FHIT: variants seen among roughly 807,000 people sequenced by gnomAD.
The protein encoded by FHIT is fragile histidine triad diadenosine triphosphatase, also known as bis(5'-adenosyl)-triphosphatase.
In FHIT, 19 loss-of-function variants were observed where a neutral mutation model predicts 17.9. The observed-to-expected ratio is 1.06, with a 90% CI of 0.74 to 1.56. The LOEUF is 1.56. FHIT is among the 40% of genes most tolerant of loss of function. The pLI is 0.00. For synonymous variants in FHIT, 81 were observed against 69.7 expected, an observed-to-expected ratio of 1.16 and a Z score of -0.81; for missense variants, 248 against 189.2, an observed-to-expected ratio of 1.31 and a Z score of -1.82.
At chr3:59,929,291 A>C (rs1232132344) in intron 7 of FHIT, among the ~76,000 whole-genome samples, 1 of 151,434 alleles carries the variant, frequency 6.6e-6, no homozygotes, top group Non-Finnish European at 1.5e-5. Flanking sequence ...TTATTCTACC[A>C]ATTTTATAGG....
chr3:60,376,495 A>G (rs1218476071), intron 5 of FHIT, among the ~76,000 whole-genome samples: 1 of 152,172 alleles, frequency 6.6e-6, no homozygotes, highest in Non-Finnish European at 1.5e-5. Context: ...ACATACACAC[A>G]CACATTCTCA....
At chr3:59,923,740 C>A (rs1485905316) in intron 7 of FHIT, among the ~76,000 whole-genome samples, 1 of 152,082 alleles carries the variant, frequency 6.6e-6, no homozygotes, top group Non-Finnish European at 1.5e-5. Context: ...CTGATTACTG[C>A]GATCGGGTTC....
At chr3:61,054,905 C>A (rs937825992) in intron 2 of FHIT, among the ~76,000 whole-genome samples, 1 of 152,174 alleles carries the variant, frequency 6.6e-6, no homozygotes, top group African/African-American at 2.4e-5. Context: ...TTTCAGACCC[C>A]CTTGTACATG....
chr3:60,224,909 C>G (rs553229972), intron 5 of FHIT, among the ~76,000 whole-genome samples: 6 of 151,620 alleles, frequency 4.0e-5, no homozygotes, highest in African/African-American at 1.5e-4. Flanking sequence ...TTAGTAGAGA[C>G]GGGGTTTCAC....
chr3:61,109,124 T>C (rs1317610288), intron 2 of FHIT, among the ~76,000 whole-genome samples: 1 of 152,154 alleles, frequency 6.6e-6, no homozygotes, highest in African/African-American at 2.4e-5. Context: ...GAAATGCTGT[T>C]AAGTGTATAG....
chr3:60,100,304 A>G (rs1385552679), intron 5 of FHIT, among the ~76,000 whole-genome samples: 1 of 152,136 alleles, frequency 6.6e-6, no homozygotes, highest in Non-Finnish European at 1.5e-5. Flanking sequence ...GAATCGCTTG[A>G]ACCCGGGAGG....
At chr3:59,769,058 C>A (rs1456508026) in intron 8 of FHIT, among the ~76,000 whole-genome samples, 1 of 152,230 alleles carries the variant, frequency 6.6e-6, no homozygotes, top group African/African-American at 2.4e-5. Context: ...AAGAAAACCA[C>A]TCTGCCAGCA....
chr3:60,986,916 C>T (rs1171114324), intron 3 of FHIT, among the ~76,000 whole-genome samples: 1 of 152,242 alleles, frequency 6.6e-6, no homozygotes, highest in African/African-American at 2.4e-5. Context: ...CATACATACA[C>T]TTTATAAGTC....
chr3:60,005,933 C>T (rs1415043555), intron 7 of FHIT, among the ~76,000 whole-genome samples: 1 of 152,174 alleles, frequency 6.6e-6, no homozygotes, highest in Non-Finnish European at 1.5e-5. Flanking sequence ...CCTACAAGTG[C>T]TTCTTATCAC....
At chr3:61,213,460 C>T (rs949944561) in intron 1 of FHIT, among the ~76,000 whole-genome samples, 6 of 152,170 alleles carry the variant, frequency 3.9e-5, no homozygotes, top group African/African-American at 1.4e-4. Context: ...AGCTAACTAT[C>T]CTAAATATAT....
intron 5 of FHIT, among the ~76,000 whole-genome samples, chr3:60,063,414 C>T (rs1026022451): frequency 1.3e-5 from 2 of 152,104 alleles, no homozygotes; most frequent in Admixed American, 1.3e-4. Context: ...AAAAATAGTC[C>T]ATCCAAATTC....
At chr3:61,151,369 G>A (rs1444947625) in intron 2 of FHIT, among the ~76,000 whole-genome samples, 1 of 152,092 alleles carries the variant, frequency 6.6e-6, no homozygotes, top group Non-Finnish European at 1.5e-5. Context: ...TGGCATACTT[G>A]CCTATGTTCT....
chr3:61,186,908 G>A (rs974392788), intron 2 of FHIT, among the ~76,000 whole-genome samples: 1 of 152,108 alleles, frequency 6.6e-6, no homozygotes, highest in Non-Finnish European at 1.5e-5. Context: ...CATTAACTCT[G>A]ACCGCTCCAA....
chr3:60,255,456 A>G (rs1171697152), intron 5 of FHIT, among the ~76,000 whole-genome samples: 1 of 152,048 alleles, frequency 6.6e-6, no homozygotes, highest in Non-Finnish European at 1.5e-5. Flanking sequence ...TGAGGATAAT[A>G]GGGAGTAGTG....
At chr3:60,777,771 G>A (rs1399057695) in intron 4 of FHIT, among the ~76,000 whole-genome samples, 1 of 152,064 alleles carries the variant, frequency 6.6e-6, no homozygotes, top group Non-Finnish European at 1.5e-5. Context: ...GATATACAGG[G>A]TTAAATAAAA....
At chr3:61,046,917 A>T (rs1196109750) in intron 2 of FHIT, among the ~76,000 whole-genome samples, 1 of 152,244 alleles carries the variant, frequency 6.6e-6, no homozygotes, top group East Asian at 1.9e-4. Flanking sequence ...CTAGACGCAG[A>T]AAAAGCCTTC....
intron 3 of FHIT, among the ~76,000 whole-genome samples, chr3:61,035,554 T>G (rs779788874): frequency 2.0e-5 from 3 of 152,168 alleles, no homozygotes; most frequent in Non-Finnish European, 4.4e-5. Flanking sequence ...GGTACCTTAG[T>G]ATGTCAGTCA....
intron 5 of FHIT, among the ~76,000 whole-genome samples, chr3:60,284,857 C>T (rs1707645451): frequency 6.6e-6 from 1 of 152,072 alleles, no homozygotes; most frequent in African/African-American, 2.4e-5. Flanking sequence ...GAATTTTGTT[C>T]CCCAAGCCCA....
At chr3:61,200,709 A>C (rs941440136) in intron 1 of FHIT, 44 bp from the exon 2 acceptor site, 4 of 152,632 alleles carry the variant, frequency 2.6e-5, no homozygotes, top group African/African-American at 7.2e-5. Flanking sequence ...CTGTGAGTAC[A>C]ACAACAAACA....
Sources: allele counts gnomAD v4.1 joint callset (sites outside exome capture counted in the v4.1 genomes callset), GRCh38; gene constraint gnomAD v4.1.1; transcripts MANE v1.5; gene names NCBI Gene and HGNC (gene_info 2026-07-23, HGNC 2026-07-21).